TMEM38B: variants seen among roughly 807,000 people sequenced by gnomAD.
TMEM38B encodes trimeric intracellular cation channel type B.
TMEM38B carries 24 observed loss-of-function variants against 28.7 expected under a neutral mutation model. The ratio of observed to expected loss-of-function variants is 0.84; its 90% CI spans 0.61 to 1.18. The LOEUF is 1.18. TMEM38B is among the 50% of genes most tolerant of loss of function. The pLI is 0.00. For synonymous variants in TMEM38B, 131 were observed against 127.7 expected (o/e 1.03, Z -0.17); for missense variants, 380 against 350.9 (o/e 1.08, Z -0.66).
rs1835212470 is a variant in TMEM38B at position 105,694,675 on chromosome 9, G to A, written c.15G>A (p.Trp5Ter). 6.2e-7 allele frequency: 1 copy of A among 1,613,890 alleles called. No homozygotes were observed. Residue 5 changes from tryptophan (W) to a stop codon, truncating the protein, a stop_gained, in exon 1 of 6, where the codon TGG becomes TGA. Transcript: ENST00000374692. LOFTEE classifies it high-confidence loss of function. The part of the protein sequence containing the change: MDSP[W>*]DELALAFSRT... The stretch of plus-strand genomic sequence containing the variant: ...CGGTGGTCGTTATGGATTCTCCATG[G>A]GACGAGTTGGCTCTGGCCTTCTCCC...
Position 105,735,068 on chromosome 9 carries a change from A to AT in TMEM38B, c.542+12453dup, listed in dbSNP as rs796411408. 1.6e-3 allele frequency among the ~76,000 whole-genome samples: 244 copies of AT among 151,890 alleles called. 2 individuals carry two copies. The highest frequency in any genetic ancestry group is 5.5e-3 in the African/African-American group (230 of 41,466). Reference sequence around the variant, plus strand: ...TCTCTCTAATTTGCATATTTACTGTATTTTTTGTGTGGTTACCATTGGGCT... The same window carrying AT: ...TCTCTCTAATTTGCATATTTACTGTATTTTTTTGTGTGGTTACCATTGGGCT... On this transcript the variant is annotated intron_variant, in intron 4 of 5. Coordinates refer to ENST00000374692, the MANE Select transcript of TMEM38B (RefSeq NM_018112.3).
At chr9:105,718,477 A>G (rs12337178) in intron 2 of TMEM38B, among the ~76,000 whole-genome samples, 27,379 of 152,092 alleles carry the variant, frequency 0.18, 3,503 homozygotes, top group East Asian at 0.47. Context: ...TCACCTCGTG[A>G]TCCTCCCGCC....
At chr9:105,703,378 C>T (rs1365925361) in intron 1 of TMEM38B, among the ~76,000 whole-genome samples, 1 of 152,192 alleles carries the variant, frequency 6.6e-6, no homozygotes, top group East Asian at 1.9e-4. Flanking sequence ...GACATGAACT[C>T]ATCATTTTTT....
In TMEM38B at chr9:105,750,022, G is replaced by A. The variant is rs932827405; in HGVS notation, c.660+1832G>A. ...TTCCAATTTCACCACACCATTACTA[G>A]CGCATATTATTGTCTTTTTTATTAT... On this transcript the variant is annotated intron_variant, in intron 5 of 5. Coordinates refer to ENST00000374692, the MANE Select transcript of TMEM38B (RefSeq NM_018112.3). 2.6e-5 allele frequency among the ~76,000 whole-genome samples: 4 copies of A among 152,268 alleles called. No homozygotes were observed. In the South Asian group the frequency reaches 8.3e-4, roughly 32 times the overall value.
intron 5 of TMEM38B, among the ~76,000 whole-genome samples, chr9:105,768,553 A>T (rs1171636339): frequency 1.3e-5 from 2 of 152,092 alleles, no homozygotes; most frequent in Non-Finnish European, 2.9e-5. Context: ...TTTTCTTTAA[A>T]GGAAGGTTTT....
intron 2 of TMEM38B, among the ~76,000 whole-genome samples, chr9:105,715,554 G>C (rs534778344): frequency 6.6e-6 from 1 of 151,254 alleles, no homozygotes; most frequent in East Asian, 1.9e-4. Context: ...CTTTCTTCAA[G>C]GATTTTTTAA....
rs757083565 is a variant in TMEM38B, at chr9:105,774,926, T to C, written c.*846T>C. On this transcript the variant is annotated 3_prime_UTR_variant, in exon 6 of 6. Transcript: ENST00000374692. ...TGTTTTAATTGTAGGAGAAATTTTC[T>C]CAGCATTTTGCATGTTCTTTCTAAT... 5.3e-5 allele frequency: 8 copies of C among 152,110 alleles called. No individual in the cohort carries two copies. Among genetic ancestry groups the C allele is most frequent in the Non-Finnish European group, 7.4e-5 (5 of 67,968 alleles). 9.4% of individuals were successfully genotyped at this position (152,110 alleles called of 1,614,324 possible).
intron 5 of TMEM38B, among the ~76,000 whole-genome samples, chr9:105,762,619 G>T (rs1380349371): frequency 7.5e-6 from 1 of 133,776 alleles, no homozygotes; most frequent in African/African-American, 2.9e-5. Context: ...AGTATTCCAT[G>T]GTGTATATGT....
At chr9:105,733,576 G>A (rs73518170) in intron 4 of TMEM38B, among the ~76,000 whole-genome samples, 5,088 of 151,996 alleles carry the variant, frequency 0.033, 226 homozygotes, top group African/African-American at 0.1. Flanking sequence ...GTAGAATTCA[G>A]CTGTGAAGCC....
rs1835213125 is a variant in TMEM38B, at chr9:105,694,688, C to T, written c.28C>T (p.Leu10=). 3.7e-6 allele frequency: 6 copies of T among 1,613,910 alleles called. No homozygotes were observed. Among genetic ancestry groups the T allele is most frequent in the East Asian group, 2.2e-5 (1 of 44,882 alleles). The change falls in exon 1 of 6, where the codon CTG becomes TTG. Residue 10 remains leucine (L), a synonymous_variant. Coordinates refer to ENST00000374692, the MANE Select transcript of TMEM38B (RefSeq NM_018112.3). The part of the protein sequence containing the change: MDSPWDELA[L]AFSRTSMFPF... ...GGATTCTCCATGGGACGAGTTGGCT[C>T]TGGCCTTCTCCCGCACGTCCATGTT...
chr9:105,727,935 T>C (rs764011074), intron 4 of TMEM38B, among the ~76,000 whole-genome samples: 37 of 152,160 alleles, frequency 2.4e-4, no homozygotes, highest in South Asian at 2.1e-4. Context: ...CACCATGTGA[T>C]GTCCTCCCTT....
intron 2 of TMEM38B, among the ~76,000 whole-genome samples, chr9:105,717,771 T>C (rs1363853565): frequency 6.6e-6 from 1 of 152,176 alleles, no homozygotes; most frequent in Admixed American, 6.5e-5. Context: ...TATATTAATA[T>C]CTATATTTTA....
At position 105,774,266 on chromosome 9, in the gene TMEM38B, G is replaced by A. The variant is rs898023503; in HGVS notation, c.*186G>A. 6 of 561,980 alleles carry A rather than the reference G, an allele frequency of 1.1e-5. No individual in the cohort carries two copies. The highest frequency in any genetic ancestry group is 5.8e-5 in the East Asian group (2 of 34,362). 34.8% of individuals were successfully genotyped at this position (561,980 alleles called of 1,614,324 possible). ...CTGGATTGTATTTGTAGAGTGTTAC[G>A]AGTGTATCATGTGATTATGCTTTAC... On this transcript the variant is annotated 3_prime_UTR_variant, in exon 6 of 6. Transcript: ENST00000374692.
Position 105,704,599 on chromosome 9 carries a change from G to C in TMEM38B, c.113-998G>C, listed in dbSNP as rs191964872. 1.3e-4 allele frequency among the ~76,000 whole-genome samples: 19 copies of C among 151,422 alleles called. No individual in the cohort carries two copies. The East Asian group carries it at 2.7e-3, about 22-fold the overall frequency. On this transcript the variant is annotated intron_variant, in intron 1 of 5. Coordinates refer to ENST00000374692, the MANE Select transcript of TMEM38B (RefSeq NM_018112.3). ...CCCTCAGTTTGGGTTTGTCTGATTC[G>C]ATTAGTTCAGGTTGTATATTTTTGT...
In TMEM38B at chr9:105,694,726, C is replaced by T. The variant is rs758077267; in HGVS notation, c.66C>T (p.Asp22=). The part of the protein sequence containing the change: ...FSRTSMFPFF[D]IAHYLVSVMA... ...GCACGTCCATGTTTCCCTTTTTTGA[C>T]ATCGCGCACTATCTAGTGTCAGTGA... is the stretch of plus-strand genomic sequence containing the variant. The change falls in exon 1 of 6, where the codon GAC becomes GAT. Residue 22 remains aspartate (D), a synonymous_variant. Transcript: ENST00000374692. The T allele has an allele frequency of 6.2e-7, 1 of 1,613,916 alleles. No homozygotes were observed. The highest frequency in any genetic ancestry group is 8.5e-7 in the Non-Finnish European group (1 of 1,179,888).
intron 4 of TMEM38B, among the ~76,000 whole-genome samples, chr9:105,728,976 A>C (rs186022613): frequency 6.6e-6 from 1 of 152,234 alleles, no homozygotes; most frequent in East Asian, 1.9e-4. Flanking sequence ...GATTCTGGAT[A>C]TTAGCACTTT....
intron 1 of TMEM38B, among the ~76,000 whole-genome samples, chr9:105,695,177 A>G (rs1835246643): frequency 1.3e-5 from 2 of 152,172 alleles, no homozygotes; most frequent in South Asian, 4.2e-4. Flanking sequence ...CAGTGTCGCC[A>G]CTCGCTCGCA....
intron 5 of TMEM38B, 125 bp downstream of exon 5, chr9:105,748,315 T>TG (rs1458333717): frequency 5.8e-6 from 4 of 686,856 alleles, no homozygotes; most frequent in Non-Finnish European, 7.2e-6. Context: ...AGGAATAATT[T>TG]GGGGAGCTTT....
intron 2 of TMEM38B, among the ~76,000 whole-genome samples, chr9:105,716,501 C>T (rs1836102784): frequency 6.6e-6 from 1 of 152,076 alleles, no homozygotes; most frequent in Non-Finnish European, 1.5e-5. Flanking sequence ...CTTCTTTCTG[C>T]CAAGTAGTAC....
Sources: gnomAD v4.1 joint callset for allele counts (sites outside exome capture counted in the v4.1 genomes callset) on GRCh38, gnomAD v4.1.1 for gene constraint, MANE v1.5 for transcripts, NCBI Gene and HGNC (gene_info 2026-07-23, HGNC 2026-07-21) for gene names.